The following NBPF20 variants were observed in gnomAD, a reference collection of about 807,000 sequenced individuals.
The protein encoded by NBPF20 is NBPF member 20.
A neutral mutation model predicts 68.1 loss-of-function variants in NBPF20; 90 were observed. The observed-to-expected ratio is 1.32, with a 90% CI of 1.11 to 1.58. The LOEUF (loss-of-function observed/expected upper bound fraction) is 1.58. NBPF20 is among the 40% of genes most tolerant of loss of function. The pLI, the probability that NBPF20 is intolerant of heterozygous loss-of-function variation, is 0.00. For missense variants in NBPF20, 816 were observed against 601.2 expected (o/e 1.36, Z -3.74); for synonymous variants, 290 against 228.1 (o/e 1.27, Z -2.45).
upstream of NBPF20, among the ~76,000 whole-genome samples, chr1:145,410,013 C>G (rs183053265): frequency 1.8e-3 from 271 of 152,074 alleles, 2 homozygotes; most frequent in African/African-American, 6.2e-3. Flanking sequence ...AACACACATA[C>G]AGATCATTGT....
chr1:145,424,162 G>A, the NBPF20 span, among the ~76,000 whole-genome samples: 2 of 148,624 alleles, frequency 1.3e-5, no homozygotes, highest in Admixed American at 1.3e-4. Flanking sequence ...TTTTAGTAGA[G>A]ATAGGGTTTT....
At chr1:145,298,363 C>T (rs1310768454) in intron 129 of NBPF20, among the ~76,000 whole-genome samples, 1 of 144,102 alleles carries the variant, frequency 6.9e-6, no homozygotes, top group South Asian at 2.2e-4. Context: ...CACAGACACA[C>T]ACACACAGAC....
intron 5 of NBPF20, 111 bp from the exon 11 acceptor site, chr1:145,400,705 G>A (rs1423578562): frequency 6.8e-7 from 1 of 1,477,614 alleles, no homozygotes; most frequent in African/African-American, 1.4e-5. Context: ...GTCCCAGAAA[G>A]CAAAATGGAG....
At chr1:145,404,558 C>G (rs1299010777) in intron 2 of NBPF20, among the ~76,000 whole-genome samples, 1 of 152,144 alleles carries the variant, frequency 6.6e-6, no homozygotes, top group East Asian at 1.9e-4. Flanking sequence ...TGCACGGCCC[C>G]TACTCCCTGC....
chr1:145,419,808 G>C, the NBPF20 span, among the ~76,000 whole-genome samples: 2 of 152,144 alleles, frequency 1.3e-5, no homozygotes, highest in Non-Finnish European at 2.9e-5. Flanking sequence ...GCAGGGCATG[G>C]TACCTAATAG....
chr1:145,291,990 G>A lies in NBPF20; in HGVS notation c.16698-221C>T, dbSNP rs61812479. Among the ~76,000 whole-genome samples, 26 of 146,402 alleles carry A rather than the reference G, an allele frequency of 1.8e-4. 1 individual carries two copies. Among genetic ancestry groups the A allele is most frequent in the African/African-American group, 6.9e-4 (25 of 35,998 alleles). On this transcript the variant is annotated intron_variant, in intron 137 of 137. Transcript: ENST00000369373. ...AGAGAGAGAGAGACAGAGACAGAGA[G>A]AGAGAGAAAGTGACCTAGTGAATTG...
intron 9 of NBPF20, among the ~76,000 whole-genome samples, chr1:145,393,505 G>C (rs1486076555): frequency 1.2e-4 from 18 of 151,088 alleles, no homozygotes; most frequent in South Asian, 6.3e-4. Flanking sequence ...CGAGCTCAGT[G>C]AATTGGTCAG....
At chr1:145,406,085 ATTTTTTTTT>A (rs587699811), upstream of NBPF20, among the ~76,000 whole-genome samples, 1 of 117,654 alleles carries the variant, frequency 8.5e-6, no homozygotes. Flanking sequence ...CGCCCGGCTA[ATTTTTTTTT>A]TTTTTTTTTT....
At chr1:145,291,928 G>A (rs587706492) in intron 137 of NBPF20, among the ~76,000 whole-genome samples, 159 bp from the exon 143 acceptor site, 9 of 151,888 alleles carry the variant, frequency 5.9e-5, no homozygotes, top group African/African-American at 2.2e-4. Flanking sequence ...TGTTGGGATA[G>A]AACAGGGCCA....
chr1:145,393,441 ACT>A (rs1234415880), intron 9 of NBPF20, among the ~76,000 whole-genome samples, 195 bp from the exon 15 acceptor site: 3,888 of 126,066 alleles, frequency 0.031, 150 homozygotes, highest in African/African-American at 0.1. Context: ...AGAGACACAC[ACT>A]CACACACACA....
chr1:145,395,008 G>A lies in NBPF20; in HGVS notation c.961C>T (p.Gln321Ter). 1.9e-6 allele frequency: 3 copies of A among 1,611,890 alleles called. No individual in the cohort carries two copies. The highest frequency in any genetic ancestry group is 2.5e-6 in the Non-Finnish European group (3 of 1,179,788). ...ATGTCAACAGCCATGCAGACTTGCT[G>A]TTCCTCTAATGAGTGAAATGTGCTG... The change falls in exon 8 of 138, where the codon CAG (glutamine) becomes TAG (stop). Residue 321 changes from glutamine (Q) to a stop codon, truncating the protein, a stop_gained. Transcript: ENST00000369373. LOFTEE classifies it high-confidence loss of function.
exon 138 of NBPF20, chr1:145,290,832 G>A (rs1177365303): frequency 2.4e-5 from 2 of 82,950 alleles, no homozygotes; most frequent in Non-Finnish European, 4.7e-5. Flanking sequence ...AGAGTCCTGG[G>A]TGACATGCTG....
At chr1:145,403,245 T>C in exon 3 of NBPF20, 2 of 1,612,680 alleles carry the variant, frequency 1.2e-6, no homozygotes, top group South Asian at 2.2e-5. Context: ...TGAGCTGCTC[T>C]GCAAGCTTCT....
intron 3 of NBPF20, 96 bp from the exon 9 acceptor site, chr1:145,402,477 G>T (rs1571373863): frequency 2.2e-6 from 3 of 1,378,058 alleles, no homozygotes; most frequent in Admixed American, 1.7e-5. Flanking sequence ...TCCTCAAGGA[G>T]ACCTCGAAGC....
At chr1:145,292,102 T>A (rs1195305391) in intron 137 of NBPF20, among the ~76,000 whole-genome samples, 1 of 149,264 alleles carries the variant, frequency 6.7e-6, no homozygotes, top group Non-Finnish European at 1.5e-5. Flanking sequence ...ATGAAAAGAG[T>A]GAGCTCAATA....
At chr1:145,410,237 CATT>C (rs1662955200), upstream of NBPF20, among the ~76,000 whole-genome samples, 1 of 151,706 alleles carries the variant, frequency 6.6e-6, no homozygotes, top group Non-Finnish European at 1.5e-5. Flanking sequence ...ACTGGTATCT[CATT>C]GTTGCACTGA....
chr1:145,291,114 A>G (rs1661041021), exon 138 of NBPF20: 1 of 292,470 alleles, frequency 3.4e-6, no homozygotes, highest in African/African-American at 2.2e-5. Context: ...CACTGAAGAC[A>G]CAAAGAATGA....
chr1:145,393,621 T>C, intron 9 of NBPF20: 1 of 794,664 alleles, frequency 1.3e-6, no homozygotes, highest in South Asian at 1.8e-5. Context: ...TTGCATAAAA[T>C]GTGCTCAAGT....
intron 2 of NBPF20, among the ~76,000 whole-genome samples, chr1:145,403,630 A>G (rs1662631490): frequency 6.6e-6 from 1 of 152,188 alleles, no homozygotes; most frequent in Non-Finnish European, 1.5e-5. Context: ...CACTTTCCCA[A>G]GCCTTGCAGC....
Sources: gnomAD v4.1 joint callset for allele counts (sites outside exome capture counted in the v4.1 genomes callset) on GRCh38, gnomAD v4.1.1 for gene constraint, MANE v1.5 for transcripts, NCBI Gene and HGNC (gene_info 2026-07-23, HGNC 2026-07-21) for gene names.